Variants in CNTNAP2 observed in about 807,000 individuals in gnomAD.
The protein encoded by CNTNAP2 is contactin associated protein 2, also known as contactin-associated protein-like 2.
A neutral mutation model predicts 155.2 loss-of-function variants in CNTNAP2; 98 were observed. That is an observed-to-expected ratio of 0.63 (90% confidence interval 0.54 to 0.75). The LOEUF (loss-of-function observed/expected upper bound fraction) is 0.75, where lower values mean the gene tolerates loss of function less well. Ranked by LOEUF, CNTNAP2 falls within the 30% of genes least tolerant of loss-of-function variation. CNTNAP2 has a pLI of 0.00. For missense variants in CNTNAP2, 1,727 were observed against 1,688.1 expected, an observed-to-expected ratio of 1.02 and a Z score of -0.40; for synonymous variants, 651 against 631.2, an observed-to-expected ratio of 1.03 and a Z score of -0.47.
At chr7:146,523,605 AT>A (rs1040957982) in intron 1 of CNTNAP2, among the ~76,000 whole-genome samples, 35 of 152,250 alleles carry the variant, frequency 2.3e-4, no homozygotes, top group African/African-American at 8.4e-4. Flanking sequence ...CATTTAAAAA[AT>A]AAGGTCTTTC....
chr7:147,705,385 A>G (rs985711557), intron 13 of CNTNAP2, among the ~76,000 whole-genome samples: 1 of 152,004 alleles, frequency 6.6e-6, no homozygotes, highest in Non-Finnish European at 1.5e-5. Flanking sequence ...ACTGATTTCT[A>G]GTTTTATTCC....
Position 148,139,042 on chromosome 7 carries a change from T to G in CNTNAP2, c.2555-8449T>G, listed in dbSNP as rs1805010733. Among the ~76,000 whole-genome samples, 3 of 152,334 alleles carry G rather than the reference T, an allele frequency of 2.0e-5. No individual in the cohort carries two copies. The South Asian group carries it at 6.2e-4, about 32-fold the overall frequency. ...CCTTTTCTCTGTGGATGTCTTTGTT[T>G]GTGAAGTTATTTTTTAACCATAATA... On this transcript the variant is annotated intron_variant, in intron 16 of 23. Coordinates refer to ENST00000361727, the MANE Select transcript of CNTNAP2 (RefSeq NM_014141.6).
chr7:146,896,187 C>A (rs1795873284), intron 3 of CNTNAP2, among the ~76,000 whole-genome samples: 1 of 151,984 alleles, frequency 6.6e-6, no homozygotes, highest in East Asian at 1.9e-4. Context: ...GATTTAAATA[C>A]CCAGCATAAC....
At chr7:147,944,377 A>G (rs1409491079) in intron 14 of CNTNAP2, among the ~76,000 whole-genome samples, 2 of 152,234 alleles carry the variant, frequency 1.3e-5, no homozygotes, top group African/African-American at 4.8e-5. Context: ...GATGTTCAAG[A>G]TGCAGTAAGG....
chr7:147,253,780 G>C (rs1257356426), intron 8 of CNTNAP2, among the ~76,000 whole-genome samples: 2 of 152,156 alleles, frequency 1.3e-5, no homozygotes, highest in East Asian at 3.9e-4. Context: ...CAGGCTTCAG[G>C]CTGGACGAGT....
chr7:147,660,295 A>C (rs367968809), intron 13 of CNTNAP2, among the ~76,000 whole-genome samples: 23 of 152,126 alleles, frequency 1.5e-4, no homozygotes, highest in African/African-American at 5.6e-4. Context: ...GCTTCCTACA[A>C]CCTTTTCCTC....
chr7:146,470,670 A>G (rs1796784730), intron 1 of CNTNAP2, among the ~76,000 whole-genome samples: 2 of 151,992 alleles, frequency 1.3e-5, no homozygotes, highest in South Asian at 4.1e-4. Context: ...CCTGGGATCA[A>G]GCAATGCTCC....
chr7:146,193,801 G>A lies in CNTNAP2; in HGVS notation c.97+76828G>A, dbSNP rs958588024. On this transcript the variant is annotated intron_variant, in intron 1 of 23. Transcript: ENST00000361727. ...AAATGGGTTTTCCTTTTCTATTGCC[G>A]TGTCAGGCTGCAAATTTTCCAAACT... 7.9e-5 allele frequency among the ~76,000 whole-genome samples: 12 copies of A among 152,240 alleles called. No homozygotes were observed. The South Asian group carries it at 1.2e-3, about 16-fold the overall frequency.
intron 13 of CNTNAP2, among the ~76,000 whole-genome samples, chr7:147,709,067 G>C (rs1796362830): frequency 6.6e-6 from 1 of 152,140 alleles, no homozygotes; most frequent in African/African-American, 2.4e-5. Context: ...GCATAGCTGA[G>C]AGGGATGTGG....
intron 13 of CNTNAP2, among the ~76,000 whole-genome samples, chr7:147,809,023 A>C (rs755028295): frequency 2.6e-4 from 40 of 151,882 alleles, no homozygotes; most frequent in Non-Finnish European, 2.1e-4. Context: ...CTTTTAGGAG[A>C]GGTTCTCAGC....
chr7:147,035,814 C>A (rs942821406), intron 3 of CNTNAP2, among the ~76,000 whole-genome samples: 1 of 151,850 alleles, frequency 6.6e-6, no homozygotes, highest in Non-Finnish European at 1.5e-5. Flanking sequence ...TATACTTATT[C>A]TCATCATAAA....
intron 13 of CNTNAP2, among the ~76,000 whole-genome samples, chr7:147,807,592 G>A (rs1043594831): frequency 6.6e-5 from 10 of 152,030 alleles, no homozygotes; most frequent in Admixed American, 5.2e-4. Context: ...TCCATCAATC[G>A]AGTGCCTAGT....
intron 13 of CNTNAP2, among the ~76,000 whole-genome samples, chr7:147,645,161 G>C (rs534523037): frequency 6.6e-6 from 1 of 152,174 alleles, no homozygotes; most frequent in South Asian, 2.1e-4. Flanking sequence ...GTAAAATTCA[G>C]CATACTTTAT....
intron 1 of CNTNAP2, among the ~76,000 whole-genome samples, chr7:146,637,250 AAC>A (rs1799614470): frequency 6.6e-6 from 1 of 152,324 alleles, no homozygotes; most frequent in Non-Finnish European, 1.5e-5. Context: ...AAGTTGCAGA[AAC>A]ACAAAGGCAT....
At chr7:147,457,493 C>T (rs375292467) in intron 10 of CNTNAP2, among the ~76,000 whole-genome samples, 17 of 98,216 alleles carry the variant, frequency 1.7e-4, no homozygotes, top group African/African-American at 6.5e-4. Flanking sequence ...CCCACTGTAG[C>T]GCTTACTGTA....
At chr7:147,796,047 G>A (rs1797888025) in intron 13 of CNTNAP2, among the ~76,000 whole-genome samples, 1 of 152,116 alleles carries the variant, frequency 6.6e-6, no homozygotes, top group Non-Finnish European at 1.5e-5. Context: ...CTGGCCAGTA[G>A]CCCACAGATT....
At chr7:148,140,522 C>T (rs148316318) in intron 16 of CNTNAP2, among the ~76,000 whole-genome samples, 399 of 151,342 alleles carry the variant, frequency 2.6e-3, no homozygotes, top group Non-Finnish European at 3.9e-3. Flanking sequence ...CTCCCAGGTT[C>T]ATGTGATTCT....
intron 1 of CNTNAP2, among the ~76,000 whole-genome samples, chr7:146,445,389 TATGAC>T (rs1796388535): frequency 6.6e-6 from 1 of 152,170 alleles, no homozygotes; most frequent in African/African-American, 2.4e-5. Flanking sequence ...TGCCTCTTCT[TATGAC>T]ATGATACCAT....
At chr7:147,858,170 C>T (rs1274567889) in intron 13 of CNTNAP2, among the ~76,000 whole-genome samples, 1 of 152,192 alleles carries the variant, frequency 6.6e-6, no homozygotes, top group Admixed American at 6.5e-5. Flanking sequence ...TTACTGCAAC[C>T]TCCACCTCCT....
Sources: gnomAD v4.1 joint callset for allele counts (sites outside exome capture counted in the v4.1 genomes callset) on GRCh38, gnomAD v4.1.1 for gene constraint, MANE v1.5 for transcripts, NCBI Gene and HGNC (gene_info 2026-07-23, HGNC 2026-07-21) for gene names.